LAMA4: variants seen among roughly 807,000 people sequenced by gnomAD.
LAMA4 encodes laminin subunit alpha 4, also known as laminin subunit alpha-4.
LAMA4 carries 127 observed loss-of-function variants against 207.1 expected under a neutral mutation model. The observed-to-expected ratio is 0.61, with a 90% CI of 0.53 to 0.71. LAMA4 has a LOEUF of 0.71. LAMA4 is among the 30% of genes least tolerant of loss of function. LAMA4 has a pLI of 0.00. For synonymous variants in LAMA4, 761 were observed against 816.0 expected, an observed-to-expected ratio of 0.93 and a Z score of 1.15; for missense variants, 2,093 against 2,246.5, an observed-to-expected ratio of 0.93 and a Z score of 1.38.
intron 31 of LAMA4, among the ~76,000 whole-genome samples, chr6:112,127,170 AAATG>A (rs1778745802): frequency 1.3e-5 from 2 of 152,190 alleles, no homozygotes; most frequent in Non-Finnish European, 2.9e-5. Flanking sequence ...TCAGGGAACA[AAATG>A]AATGAGCTTG....
chr6:112,141,535 A>C, intron 20 of LAMA4, 32 bp from the exon 21 acceptor site: 1 of 1,474,238 alleles, frequency 6.8e-7, no homozygotes, highest in Non-Finnish European at 9.5e-7. Context: ...AGTCATTTAA[A>C]TAAAATTCAT....
intron 3 of LAMA4, chr6:112,213,914 T>G: frequency 1.8e-6 from 1 of 547,050 alleles, no homozygotes; most frequent in South Asian, 3.1e-5. Context: ...AGAAATGAGG[T>G]AAGTCAGGCA....
At position 112,129,041 on chromosome 6, in the gene LAMA4, G is replaced by T. The variant is rs200189282; in HGVS notation, c.4168C>A (p.Arg1390=). ...GAAGTGTGGACCTTTTCAGTATACC[G>T]TTGGAAATCTTCAACCTCCACATCT... ...DRDVEVEDFQ[R]YTEKVHTSLY... The change falls in exon 31 of 39, where the codon CGG becomes AGG. Residue 1390 remains arginine, a synonymous_variant. Coordinates refer to ENST00000230538, the MANE Select transcript of LAMA4 (RefSeq NM_001105206.3). The T allele has an allele frequency of 6.2e-7, 1 of 1,612,162 alleles. No homozygotes were observed. Among genetic ancestry groups the T allele is most frequent in the African/African-American group, 1.3e-5 (1 of 74,840 alleles).
chr6:112,191,612 G>A, intron 6 of LAMA4, 24 bp downstream of exon 6: 1 of 1,560,308 alleles, frequency 6.4e-7, no homozygotes, highest in Non-Finnish European at 8.8e-7. Context: ...CCAGGCAGCT[G>A]GCTTAGTATT....
At chr6:112,141,015 G>C in intron 21 of LAMA4, 93 bp from the exon 22 acceptor site, 1 of 1,108,852 alleles carries the variant, frequency 9.0e-7, no homozygotes, top group Non-Finnish European at 1.4e-6. Context: ...ATCACAAAAT[G>C]GGTAATTTTG....
chr6:112,150,010 G>C (rs1780281941), intron 17 of LAMA4, among the ~76,000 whole-genome samples: 1 of 152,102 alleles, frequency 6.6e-6, no homozygotes, highest in African/African-American at 2.4e-5. Flanking sequence ...GGGCTTGTTG[G>C]TCTCCCTGGT....
At chr6:112,136,102 C>T (rs782715790) in intron 25 of LAMA4, 21 bp downstream of exon 25, 1 of 1,608,466 alleles carries the variant, frequency 6.2e-7, no homozygotes, top group South Asian at 1.1e-5. Flanking sequence ...ACAAAACCAA[C>T]CAAACTACAA....
At chr6:112,179,829 G>T (rs987452403) in intron 9 of LAMA4, 2 of 493,798 alleles carry the variant, frequency 4.1e-6, no homozygotes, top group Non-Finnish European at 8.2e-6. Flanking sequence ...AGAGCCCACT[G>T]TGCAGCGGCA....
In LAMA4 at chr6:112,171,239, G is replaced by C. The variant is rs77809133; in HGVS notation, c.1551+1372C>G. 7.2e-3 allele frequency among the ~76,000 whole-genome samples: 1,055 copies of C among 145,594 alleles called. 44 individuals are homozygous for C. Among genetic ancestry groups the C allele is most frequent in the Admixed American group, 0.067 (987 of 14,630 alleles). Reference sequence around the variant, plus strand: ...CCTTTTTTTTTTTTTTAAACTACTGGTTACAACCCATGAAACTTATTTTCT... The same window carrying C: ...CCTTTTTTTTTTTTTTAAACTACTGCTTACAACCCATGAAACTTATTTTCT... On this transcript the variant is annotated intron_variant, in intron 12 of 38. Coordinates refer to ENST00000230538, the MANE Select transcript of LAMA4 (RefSeq NM_001105206.3).
chr6:112,112,226 T>C (rs1406519609), intron 38 of LAMA4, among the ~76,000 whole-genome samples: 1 of 152,060 alleles, frequency 6.6e-6, no homozygotes, highest in Admixed American at 6.5e-5. Flanking sequence ...GGAGTTAGAA[T>C]GGGGAGGAAT....
intron 2 of LAMA4, among the ~76,000 whole-genome samples, chr6:112,232,097 T>C (rs1785602311): frequency 6.6e-6 from 1 of 152,138 alleles, no homozygotes. Context: ...TAGGCTAAAA[T>C]CCAAGTATTT....
chr6:112,140,997 G>T, intron 21 of LAMA4, 75 bp from the exon 22 acceptor site: 1 of 1,306,540 alleles, frequency 7.7e-7, no homozygotes, highest in Non-Finnish European at 1.1e-6. Flanking sequence ...AAATGTTAAT[G>T]CTCCCTCATC....
chr6:112,167,332 G>A (rs369735671), intron 12 of LAMA4, among the ~76,000 whole-genome samples: 11 of 152,178 alleles, frequency 7.2e-5, no homozygotes, highest in African/African-American at 2.2e-4. Context: ...AACCCAGGAG[G>A]TGGAGGTTGT....
At chr6:112,220,769 A>G (rs1238507879) in intron 2 of LAMA4, among the ~76,000 whole-genome samples, 2 of 152,194 alleles carry the variant, frequency 1.3e-5, no homozygotes, top group Non-Finnish European at 2.9e-5. Flanking sequence ...AAATATTTAA[A>G]TCACTTTCTT....
intron 2 of LAMA4, among the ~76,000 whole-genome samples, chr6:112,232,826 G>T (rs934104102): frequency 1.3e-5 from 2 of 152,256 alleles, no homozygotes; most frequent in South Asian, 2.1e-4. Flanking sequence ...AATGGGGAAG[G>T]CTGAGAGTAT....
rs567384321 is a variant in LAMA4, at chr6:112,152,394, A to G, written c.2057-1767T>C. Among the ~76,000 whole-genome samples, 22 of 152,138 alleles carry G rather than the reference A, an allele frequency of 1.4e-4. No individual in the cohort carries two copies. The South Asian group carries it at 3.9e-3, about 27-fold the overall frequency. On this transcript the variant is annotated intron_variant, in intron 16 of 38. Transcript: ENST00000230538. ...CAGTTTTGAGAGTCTTTTGCTTATA[A>G]AATTGTTCTTGAAAGCACACTTGTG...
intron 5 of LAMA4, chr6:112,200,167 G>C (rs1554351749): frequency 1.9e-6 from 1 of 533,198 alleles, no homozygotes. Context: ...CGTGCTCTGT[G>C]GAGAAGGCCT....
chr6:112,112,278 G>A (rs1777747247), intron 38 of LAMA4, among the ~76,000 whole-genome samples: 1 of 152,186 alleles, frequency 6.6e-6, no homozygotes, highest in Admixed American at 6.5e-5. Context: ...GGGAGGAAAG[G>A]AAGAACATTT....
At chr6:112,187,986 C>G (rs72950244) in intron 7 of LAMA4, among the ~76,000 whole-genome samples, 3,227 of 152,270 alleles carry the variant, frequency 0.021, 45 homozygotes, top group Non-Finnish European at 0.034. Context: ...AAAGTTCAGG[C>G]TGAACGTGGG....
Sources: gnomAD v4.1 joint callset for allele counts (sites outside exome capture counted in the v4.1 genomes callset) on GRCh38, gnomAD v4.1.1 for gene constraint, MANE v1.5 for transcripts, NCBI Gene and HGNC (gene_info 2026-07-23, HGNC 2026-07-21) for gene names.